Variants in KLHL26 observed in about 807,000 individuals in gnomAD.
KLHL26 encodes kelch-like protein 26.
In KLHL26, 4 loss-of-function variants were observed where a neutral mutation model predicts 7.1. That is an observed-to-expected ratio of 0.56 (90% confidence interval 0.28 to 1.28). The LOEUF (loss-of-function observed/expected upper bound fraction) is 1.28. Ranked by LOEUF, KLHL26 falls within the 50% of genes most tolerant of loss-of-function variation. The probability of loss-of-function intolerance (pLI) is 0.11; values close to 1 mark genes in which losing one functional copy is unlikely to be tolerated. For missense variants in KLHL26, 896 were observed against 924.6 expected, an observed-to-expected ratio of 0.97 and a Z score of 0.40; for synonymous variants, 465 against 414.1, an observed-to-expected ratio of 1.12 and a Z score of -1.49.
intron 1 of KLHL26, among the ~76,000 whole-genome samples, chr19:18,651,131 T>G (rs1228369127): frequency 2.0e-5 from 3 of 152,168 alleles, no homozygotes; most frequent in Non-Finnish European, 4.4e-5. Flanking sequence ...TTAGGTACGT[T>G]GGGGTGCAAG....
chr19:18,637,128 G>T lies in KLHL26; in HGVS notation c.74G>T (p.Arg25Leu), dbSNP rs1338572942. The stretch of plus-strand genomic sequence containing the variant: ...TTCGGCGCGGGCCCGGGCCCCGAGC[G>T]CCCGAACAGGTGAGACCCGGCCCGC... ...GAFGAGPGPE[R>L]PNSTADKNGA... is the part of the protein sequence containing the mutation. Residue 25 changes from arginine (R) to leucine (L), a missense_variant, in exon 1 of 3, where the codon CGC becomes CTC. Transcript: ENST00000300976. The T allele has an allele frequency of 5.9e-6, 8 of 1,351,912 alleles. No individual in the cohort carries two copies. The highest frequency in any genetic ancestry group is 6.6e-6 in the Non-Finnish European group (7 of 1,053,972). The allele number at this position is 1,351,912 out of a possible 1,614,324, so 83.7% of individuals were successfully genotyped here.
Position 18,668,826 on chromosome 19 carries a change from G to C in KLHL26, c.1429G>C (p.Ala477Pro). The change falls in exon 3 of 3, where the codon GCC (alanine) becomes CCC (proline). Residue 477 changes from alanine (A) to proline (P), a missense_variant. Coordinates refer to ENST00000300976, the MANE Select transcript of KLHL26 (RefSeq NM_018316.3). ...GYGISVEDKK[A>P]LHCYDPVADQ... The stretch of plus-strand genomic sequence containing the variant: ...CGGGATCTCAGTGGAGGACAAGAAG[G>C]CCCTGCACTGCTACGACCCCGTGGC... 6.3e-7 allele frequency: 1 copy of C among 1,594,944 alleles called. No individual in the cohort carries two copies. The highest frequency in any genetic ancestry group is 1.1e-5 in the South Asian group (1 of 90,484).
chr19:18,637,168 C>T (rs1029441588), intron 1 of KLHL26, 31 bp downstream of exon 1: 8 of 1,294,120 alleles, frequency 6.2e-6, no homozygotes, highest in East Asian at 3.1e-5. Context: ...TAGACCTGCA[C>T]CTGTCTTGGA....
intron 1 of KLHL26, among the ~76,000 whole-genome samples, chr19:18,641,874 G>A (rs142621637): frequency 0.012 from 1,894 of 152,200 alleles, 20 homozygotes; most frequent in South Asian, 0.049. Flanking sequence ...TGATCTGCCC[G>A]CCTCAGCCTC....
At chr19:18,659,056 G>A (rs2052365040) in intron 1 of KLHL26, among the ~76,000 whole-genome samples, 1 of 151,422 alleles carries the variant, frequency 6.6e-6, no homozygotes, top group Non-Finnish European at 1.5e-5. Context: ...CTAAGTCTCT[G>A]TCCCTTTATC....
intron 1 of KLHL26, among the ~76,000 whole-genome samples, chr19:18,647,090 C>T (rs1419207783): frequency 1.3e-5 from 2 of 152,222 alleles, no homozygotes; most frequent in African/African-American, 4.8e-5. Context: ...ACAGCTGAGC[C>T]CCTTCTCTGG....
In KLHL26 at chr19:18,669,343, C is replaced by T. The variant is rs570461071; in HGVS notation, c.*98C>T. The T allele has an allele frequency of 2.4e-5, 23 of 957,968 alleles. 1 individual carries two copies. The East Asian group carries it at 5.6e-4, about 23-fold the overall frequency. The allele number at this position is 957,968 out of a possible 1,614,324, so 59.3% of individuals were successfully genotyped here. A position where few individuals can be genotyped will look rare whatever the true frequency, so the allele number is the denominator to read the frequency against. On this transcript the variant is annotated 3_prime_UTR_variant, in exon 3 of 3. Transcript: ENST00000300976. ...CTGAGAACCCCAGTGCCCCCCTTCG[C>T]CCGGGCTGCCCTTGAGGGGCCTGCT... is the stretch of plus-strand genomic sequence containing the variant.
chr19:18,659,313 C>T (rs774250660), intron 1 of KLHL26, among the ~76,000 whole-genome samples: 1 of 152,210 alleles, frequency 6.6e-6, no homozygotes, highest in Admixed American at 6.5e-5. Context: ...CTCAGCCGGC[C>T]CTGACATCCC....
chr19:18,661,852 A>C lies in KLHL26; in HGVS notation c.84-2409A>C, dbSNP rs182311130. 4.1e-4 allele frequency among the ~76,000 whole-genome samples: 62 copies of C among 151,556 alleles called. No individual in the cohort carries two copies. The East Asian group carries it at 0.012, about 29-fold the overall frequency. On this transcript the variant is annotated intron_variant, in intron 1 of 2. Transcript: ENST00000300976. ...GGCTGACTCTTACGTCCTTCTAGCCAGCTCTGCTTGCTTTCCTGGGAACCA... is the reference window on the plus strand; with the variant it reads ...GGCTGACTCTTACGTCCTTCTAGCCCGCTCTGCTTGCTTTCCTGGGAACCA...
chr19:18,641,042 G>A (rs941382012), intron 1 of KLHL26, among the ~76,000 whole-genome samples: 18 of 151,778 alleles, frequency 1.2e-4, no homozygotes, highest in African/African-American at 4.4e-4. Flanking sequence ...TTTGTGAGAT[G>A]AGGTCTCACT....
chr19:18,648,038 G>A lies in KLHL26; in HGVS notation c.83+10901G>A, dbSNP rs1296417447. On this transcript the variant is annotated intron_variant, in intron 1 of 2. Coordinates refer to ENST00000300976, the MANE Select transcript of KLHL26 (RefSeq NM_018316.3). This position sits in a 1 kb window ranked among gnomAD's most constrained non-coding sequence, Gnocchi z 4.9. ...GGCCAGGGGGCCAGGGCAGGGTTTGGGTGAGCGGCATATCAGTCAGCCTCC... is the reference window on the plus strand; with the variant it reads ...GGCCAGGGGGCCAGGGCAGGGTTTGAGTGAGCGGCATATCAGTCAGCCTCC... 2.0e-5 allele frequency among the ~76,000 whole-genome samples: 3 copies of A among 152,166 alleles called. No homozygotes were observed. The highest frequency in any genetic ancestry group is 4.4e-5 in the Non-Finnish European group (3 of 68,022).
At chr19:18,652,317 C>T (rs192007972) in intron 1 of KLHL26, among the ~76,000 whole-genome samples, 1,895 of 152,112 alleles carry the variant, frequency 0.012, 21 homozygotes, top group South Asian at 0.049. Context: ...AGGCCAGGTG[C>T]GGTGGCTCCC....
At chr19:18,657,989 A>G (rs1256435863) in intron 1 of KLHL26, among the ~76,000 whole-genome samples, 4 of 151,946 alleles carry the variant, frequency 2.6e-5, no homozygotes, top group East Asian at 1.9e-4. Flanking sequence ...TGTGGTCACC[A>G]TGGCAACAGT....
intron 2 of KLHL26, 107 bp from the exon 3 acceptor site, chr19:18,667,557 C>A (rs758158153): frequency 6.7e-7 from 1 of 1,502,956 alleles, no homozygotes; most frequent in African/African-American, 1.4e-5. Flanking sequence ...CTGGCTGTGC[C>A]CTGTGTTCTG....
At chr19:18,645,619 C>T (rs1976788111) in intron 1 of KLHL26, among the ~76,000 whole-genome samples, 2 of 152,058 alleles carry the variant, frequency 1.3e-5, no homozygotes, top group African/African-American at 4.8e-5. Context: ...TGAGACCAGC[C>T]TGGCCAACAT....
chr19:18,654,697 C>T (rs1254995172), intron 1 of KLHL26, among the ~76,000 whole-genome samples: 1 of 152,040 alleles, frequency 6.6e-6, no homozygotes, highest in Non-Finnish European at 1.5e-5. Context: ...ACCCATCTAT[C>T]CACCCATCCA....
chr19:18,665,526 C>T (rs2052439066), intron 2 of KLHL26, among the ~76,000 whole-genome samples: 1 of 152,240 alleles, frequency 6.6e-6, no homozygotes, highest in Non-Finnish European at 1.5e-5. Context: ...CGCAGAGACC[C>T]TGTGTCTGCC....
chr19:18,637,506 AGGGTGGTGAGGTGTCTT>A (rs1976641181), intron 1 of KLHL26, among the ~76,000 whole-genome samples: 1 of 151,546 alleles, frequency 6.6e-6, no homozygotes, highest in African/African-American at 2.4e-5. Flanking sequence ...GGCCAGTCTG[AGGGTGGTGAGGTGTCTT>A]GGGGGCTCTG....
Position 18,646,160 on chromosome 19 carries a change from A to G in KLHL26, c.83+9023A>G, listed in dbSNP as rs1487802881. 6.6e-6 allele frequency among the ~76,000 whole-genome samples: 1 copy of G among 151,794 alleles called. No homozygotes were observed. The highest frequency in any genetic ancestry group is 2.4e-5 in the African/African-American group (1 of 41,324). ...ATTAATTTTTTTTGACGTCACTCTG[A>G]GCTCAGGCTGGAGTGCAGTGGCATG... On this transcript the variant is annotated intron_variant, in intron 1 of 2. Transcript: ENST00000300976. The surrounding 1 kb of genome is among the most constrained non-coding windows in gnomAD (Gnocchi z 5.0).
Sources: gnomAD v4.1 joint callset for allele counts (sites outside exome capture counted in the v4.1 genomes callset) on GRCh38, gnomAD v4.1.1 for gene constraint, Gnocchi (gnomAD v3.1) non-coding constraint, MANE v1.5 for transcripts, NCBI Gene and HGNC (gene_info 2026-07-23, HGNC 2026-07-21) for gene names.